C12orf56: variants seen among roughly 807,000 people sequenced by gnomAD.
C12orf56 encodes chromosome 12 open reading frame 56.
A neutral mutation model predicts 69.9 loss-of-function variants in C12orf56; 71 were observed. The observed-to-expected ratio is 1.02, with a 90% CI of 0.84 to 1.24. The LOEUF (loss-of-function observed/expected upper bound fraction) is 1.24, where lower values mean the gene tolerates loss of function less well. C12orf56 is among the 50% of genes most tolerant of loss of function. C12orf56 has a pLI of 0.00. For missense variants in C12orf56, 732 were observed against 738.5 expected (o/e 0.99, Z 0.10); for synonymous variants, 276 against 274.1 (o/e 1.01, Z -0.07).
intron 3 of C12orf56, among the ~76,000 whole-genome samples, chr12:64,327,512 GT>G (rs1258720827): frequency 6.6e-6 from 1 of 152,152 alleles, no homozygotes; most frequent in Non-Finnish European, 1.5e-5. Flanking sequence ...GTGTTTCTTA[GT>G]TGCCACAATA....
chr12:64,338,352 A>C, intron 2 of C12orf56: 1 of 621,168 alleles, frequency 1.6e-6, no homozygotes, highest in Non-Finnish European at 3.1e-6. Context: ...TAGCTGGTGG[A>C]GTTGAGATAT....
intron 5 of C12orf56, 30 bp from the exon 6 acceptor site, chr12:64,303,809 A>G: frequency 6.4e-7 from 1 of 1,551,204 alleles, no homozygotes; most frequent in Non-Finnish European, 8.6e-7. Context: ...TTTTCCACTT[A>G]AAAAAATGGT....
chr12:64,304,783 A>G (rs1362621191), intron 5 of C12orf56, among the ~76,000 whole-genome samples: 1 of 152,042 alleles, frequency 6.6e-6, no homozygotes, highest in African/African-American at 2.4e-5. Context: ...CACTGTGGGG[A>G]CCGAGCTGGG....
chr12:64,306,276 A>G (rs1040774455), intron 5 of C12orf56, among the ~76,000 whole-genome samples: 1 of 152,242 alleles, frequency 6.6e-6, no homozygotes. Flanking sequence ...ATTTGACTGA[A>G]GAAATAAGAA....
intron 3 of C12orf56, among the ~76,000 whole-genome samples, chr12:64,324,569 T>C (rs1236576407): frequency 2.6e-5 from 4 of 152,196 alleles, no homozygotes; most frequent in African/African-American, 9.6e-5. Context: ...GCTCCAACTA[T>C]TGAGATGAAC....
At chr12:64,370,992 C>A (rs1043242905) in intron 1 of C12orf56, among the ~76,000 whole-genome samples, 3 of 152,012 alleles carry the variant, frequency 2.0e-5, no homozygotes, top group African/African-American at 7.2e-5. Flanking sequence ...AGAGTGAGAC[C>A]CCATCTCTAA....
chr12:64,376,156 C>G (rs1317701891), intron 1 of C12orf56, among the ~76,000 whole-genome samples: 1 of 152,214 alleles, frequency 6.6e-6, no homozygotes, highest in South Asian at 2.1e-4. Context: ...ATCACACAAC[C>G]AACACTTCAG....
At chr12:64,344,724 G>C (rs1201423796) in intron 2 of C12orf56, among the ~76,000 whole-genome samples, 1 of 152,110 alleles carries the variant, frequency 6.6e-6, no homozygotes, top group Non-Finnish European at 1.5e-5. Flanking sequence ...ATTTCACAAG[G>C]CATTGGTCAA....
chr12:64,383,386 AT>A (rs890889574), intron 1 of C12orf56, among the ~76,000 whole-genome samples: 5 of 150,362 alleles, frequency 3.3e-5, no homozygotes, highest in African/African-American at 9.8e-5. Flanking sequence ...GAGAGAACCA[AT>A]TTTTTTTTGA....
chr12:64,381,677 A>T (rs1187277733), intron 1 of C12orf56, among the ~76,000 whole-genome samples: 1 of 152,174 alleles, frequency 6.6e-6, no homozygotes, highest in Admixed American at 6.5e-5. Flanking sequence ...ACCAACTGCT[A>T]TATGGGAAGG....
chr12:64,312,826 G>T, intron 4 of C12orf56, 74 bp from the exon 5 acceptor site: 1 of 1,074,268 alleles, frequency 9.3e-7, no homozygotes, highest in Non-Finnish European at 1.4e-6. Context: ...TTTAGTCAAT[G>T]TTATGTATCT....
intron 2 of C12orf56, chr12:64,338,719 C>G: frequency 6.6e-7 from 1 of 1,520,864 alleles, no homozygotes; most frequent in Non-Finnish European, 9.1e-7. Flanking sequence ...CTTCTGCTTT[C>G]TCATTGGCTT....
At chr12:64,314,009 C>G (rs1263894033) in intron 4 of C12orf56, among the ~76,000 whole-genome samples, 1 of 141,780 alleles carries the variant, frequency 7.1e-6, no homozygotes, top group Non-Finnish European at 1.5e-5. Flanking sequence ...CACCATTGCA[C>G]TCCAGCCTGG....
At chr12:64,308,924 G>GA (rs796854917) in intron 5 of C12orf56, among the ~76,000 whole-genome samples, 1 of 45,924 alleles carries the variant, frequency 2.2e-5, no homozygotes, top group African/African-American at 8.4e-5. Context: ...AAGAAAGAAA[G>GA]AAAGAAAGAA....
In C12orf56 at chr12:64,330,953, A is replaced by G. The variant is rs770061603; in HGVS notation, c.488+7T>C. On this transcript the variant is annotated splice_region_variant and intron_variant, in intron 3 of 12. Coordinates refer to ENST00000543942, the MANE Select transcript of C12orf56 (RefSeq NM_001170633.2). ...AGTTAAACACATACTCCAAACAACA[A>G]TCTCACCTGAGAGGAGATTCTTTCA... 9 of 1,542,558 alleles carry G rather than the reference A, an allele frequency of 5.8e-6. No individual in the cohort carries two copies. The highest frequency in any genetic ancestry group is 7.9e-6 in the Non-Finnish European group (9 of 1,142,376).
At chr12:64,298,622 A>G (rs1291945804) in intron 6 of C12orf56, among the ~76,000 whole-genome samples, 1 of 152,200 alleles carries the variant, frequency 6.6e-6, no homozygotes, top group East Asian at 1.9e-4. Context: ...TCCCAGCACC[A>G]TTTATTAAAT....
chr12:64,271,090 G>A (rs1898220), intron 11 of C12orf56, among the ~76,000 whole-genome samples: 106,864 of 151,858 alleles, frequency 0.7, 38,777 homozygotes, highest in Non-Finnish European at 0.8. Context: ...CGCTTAATTC[G>A]GGAGGCAGAG....
chr12:64,349,381 C>T (rs2039191435), intron 2 of C12orf56, among the ~76,000 whole-genome samples: 1 of 152,140 alleles, frequency 6.6e-6, no homozygotes, highest in African/African-American at 2.4e-5. Context: ...GGCATGGATG[C>T]AGTGATCAGG....
intron 1 of C12orf56, among the ~76,000 whole-genome samples, chr12:64,359,394 A>G (rs2039365977): frequency 6.6e-6 from 1 of 152,150 alleles, no homozygotes; most frequent in Non-Finnish European, 1.5e-5. Flanking sequence ...TTGTTAATCT[A>G]TCTTTTGTTA....
Sources: gnomAD v4.1 joint callset for allele counts (sites outside exome capture counted in the v4.1 genomes callset) on GRCh38, gnomAD v4.1.1 for gene constraint, MANE v1.5 for transcripts, NCBI Gene and HGNC (gene_info 2026-07-23, HGNC 2026-07-21) for gene names.